RBFOX1: variants seen among roughly 807,000 people sequenced by gnomAD.
The protein encoded by RBFOX1 is RNA binding protein fox-1 homolog 1.
RBFOX1 carries 8 observed loss-of-function variants against 57.7 expected under a neutral mutation model. The ratio of observed to expected loss-of-function variants is 0.14; its 90% CI spans 0.08 to 0.25. The LOEUF (loss-of-function observed/expected upper bound fraction) is 0.25, where lower values mean the gene tolerates loss of function less well. Ranked by LOEUF, RBFOX1 falls within the 10% of genes least tolerant of loss-of-function variation. The pLI is 1.00. For missense variants in RBFOX1, 611 were observed against 548.5 expected, an observed-to-expected ratio of 1.11 and a Z score of -1.14; for synonymous variants, 326 against 222.4, an observed-to-expected ratio of 1.47 and a Z score of -4.15.
chr16:7,462,831 G>C (rs2059822703), intron 4 of RBFOX1, among the ~76,000 whole-genome samples: 1 of 152,100 alleles, frequency 6.6e-6, no homozygotes, highest in Non-Finnish European at 1.5e-5. Flanking sequence ...TTTTTGCTTT[G>C]AATCTCTCCA....
intron 4 of RBFOX1, among the ~76,000 whole-genome samples, chr16:7,208,410 C>T (rs1603183926): frequency 6.6e-6 from 1 of 152,276 alleles, no homozygotes; most frequent in East Asian, 1.9e-4. Context: ...AAGCAGGCAC[C>T]AGCATCTGCT....
intron 1 of RBFOX1, among the ~76,000 whole-genome samples, chr16:5,436,998 T>A (rs765129283): frequency 5.3e-5 from 8 of 152,206 alleles, no homozygotes; most frequent in Non-Finnish European, 1.0e-4. Context: ...CAGAAAGGGC[T>A]GTTGTTTACT....
At chr16:7,637,146 G>A (rs771551060) in intron 11 of RBFOX1, among the ~76,000 whole-genome samples, 29 of 151,948 alleles carry the variant, frequency 1.9e-4, no homozygotes, top group Admixed American at 9.8e-4. Flanking sequence ...GCCAATGAGC[G>A]CGTTTTCCAC....
At chr16:6,075,356 T>A (rs977214960) in intron 1 of RBFOX1, among the ~76,000 whole-genome samples, 6 of 152,210 alleles carry the variant, frequency 3.9e-5, no homozygotes, top group African/African-American at 1.4e-4. Flanking sequence ...TTAACAAACA[T>A]CCATTGATAT....
At chr16:5,524,223 C>A (rs889237758) in intron 2 of RBFOX1, among the ~76,000 whole-genome samples, 2 of 152,178 alleles carry the variant, frequency 1.3e-5, no homozygotes, top group African/African-American at 2.4e-5. Context: ...AGACTGTGCT[C>A]TACGTGCAAA....
chr16:5,596,117 G>T (rs1245676054), intron 2 of RBFOX1, among the ~76,000 whole-genome samples: 5 of 152,154 alleles, frequency 3.3e-5, no homozygotes, highest in Non-Finnish European at 5.9e-5. Context: ...CCCCTAGCTA[G>T]GGGGAAGGGG....
chr16:7,019,075 TGA>T (rs1184554140), intron 3 of RBFOX1, among the ~76,000 whole-genome samples: 1 of 152,132 alleles, frequency 6.6e-6, no homozygotes, highest in African/African-American at 2.4e-5. Flanking sequence ...TGTGTGTGTG[TGA>T]GTGTGTGTAT....
chr16:6,915,035 C>T (rs1007663503), intron 3 of RBFOX1, among the ~76,000 whole-genome samples: 4 of 152,326 alleles, frequency 2.6e-5, no homozygotes, highest in African/African-American at 7.2e-5. Flanking sequence ...CGGCTTTGCT[C>T]ATCCGTAGAT....
At chr16:6,220,050 T>C (rs1235278104) in intron 1 of RBFOX1, among the ~76,000 whole-genome samples, 1 of 152,044 alleles carries the variant, frequency 6.6e-6, no homozygotes, top group Non-Finnish European at 1.5e-5. Flanking sequence ...ATCTGTCTGT[T>C]TCTATATGAA....
chr16:6,884,963 A>T (rs2063690171), intron 3 of RBFOX1, among the ~76,000 whole-genome samples: 1 of 152,162 alleles, frequency 6.6e-6, no homozygotes, highest in Non-Finnish European at 1.5e-5. Flanking sequence ...CTGAGACCGC[A>T]ACCCAGATCT....
chr16:5,294,494 A>G (rs1052382619), intron 1 of RBFOX1, among the ~76,000 whole-genome samples: 1 of 152,078 alleles, frequency 6.6e-6, no homozygotes, highest in Admixed American at 6.5e-5. Flanking sequence ...TTTACAATGC[A>G]GTCTAACAAC....
At chr16:6,990,066 AT>A (rs1359993996) in intron 3 of RBFOX1, among the ~76,000 whole-genome samples, 2 of 152,170 alleles carry the variant, frequency 1.3e-5, no homozygotes, top group Non-Finnish European at 2.9e-5. Context: ...CTGTACTAGA[AT>A]ATACTCTTCA....
At chr16:6,087,381 T>G (rs140233421) in intron 1 of RBFOX1, among the ~76,000 whole-genome samples, 2 of 152,286 alleles carry the variant, frequency 1.3e-5, no homozygotes, top group African/African-American at 2.4e-5. Flanking sequence ...TGTATATGTA[T>G]CTACAGAAAT....
At chr16:5,303,842 T>TC (rs1435415344) in intron 1 of RBFOX1, among the ~76,000 whole-genome samples, 1 of 152,080 alleles carries the variant, frequency 6.6e-6, no homozygotes, top group African/African-American at 2.4e-5. Flanking sequence ...ATGCCTTTTT[T>TC]CCCCTGGAGC....
chr16:6,666,353 A>C (rs2098732669), intron 3 of RBFOX1, among the ~76,000 whole-genome samples: 1 of 151,986 alleles, frequency 6.6e-6, no homozygotes, highest in South Asian at 2.1e-4. Flanking sequence ...GGCCAACATG[A>C]TGAAACCCTT....
chr16:6,481,879 A>T (rs957850243), intron 2 of RBFOX1, among the ~76,000 whole-genome samples: 5 of 152,208 alleles, frequency 3.3e-5, no homozygotes, highest in Non-Finnish European at 7.3e-5. Flanking sequence ...AAAGTTAAAC[A>T]CTGTGTTAAT....
At chr16:6,723,677 G>C (rs1008855490) in intron 3 of RBFOX1, 3 of 152,112 alleles carry the variant, frequency 2.0e-5, no homozygotes, top group African/African-American at 4.8e-5. Flanking sequence ...GGAGCAAATA[G>C]TCTGATTTTG....
intron 3 of RBFOX1, among the ~76,000 whole-genome samples, chr16:6,900,822 A>G (rs1055569196): frequency 1.3e-5 from 2 of 152,032 alleles, no homozygotes; most frequent in South Asian, 2.1e-4. Context: ...TCCACTTAAC[A>G]TGTTATGGTT....
Position 5,872,294 on chromosome 16 carries a change from A to G in RBFOX1, c.351+4959A>G, listed in dbSNP as rs550637515. ...GAGCAAGAGTTTTGGAGTCTTGTAG[A>G]TGAGGTGTGAATGATGGGTCCACAC... On this transcript the variant is annotated intron_variant, in intron 4 of 19. Coordinates refer to the RBFOX1 transcript ENST00000641259. Among the ~76,000 whole-genome samples the G allele has an allele frequency of 5.9e-5, 9 of 152,332 alleles. No homozygotes were observed. The South Asian group carries it at 1.5e-3, about 25-fold the overall frequency.
Sources: allele counts gnomAD v4.1 joint callset (sites outside exome capture counted in the v4.1 genomes callset), GRCh38; gene constraint gnomAD v4.1.1; transcripts MANE v1.5; gene names NCBI Gene and HGNC (gene_info 2026-07-23, HGNC 2026-07-21).